Variants in RALYL observed in about 807,000 individuals in gnomAD.
RALYL encodes the protein RALY RNA binding protein like.
A neutral mutation model predicts 35.1 loss-of-function variants in RALYL; 29 were observed. The ratio of observed to expected loss-of-function variants is 0.83; its 90% CI spans 0.61 to 1.13. The LOEUF is 1.13. RALYL is among the 50% of genes most tolerant of loss of function. RALYL has a pLI of 0.00. For missense variants in RALYL, 359 were observed against 360.4 expected (o/e 1.00, Z 0.03); for synonymous variants, 120 against 127.6 (o/e 0.94, Z 0.40).
intron 3 of RALYL, among the ~76,000 whole-genome samples, chr8:84,794,328 G>A (rs1175582104): frequency 6.6e-6 from 1 of 152,206 alleles, no homozygotes; most frequent in Non-Finnish European, 1.5e-5. Context: ...TGAGGATGAA[G>A]ATCTGAAACT....
At chr8:84,552,026 A>G (rs1040217472) in intron 2 of RALYL, among the ~76,000 whole-genome samples, 3 of 151,942 alleles carry the variant, frequency 2.0e-5, no homozygotes, top group African/African-American at 4.8e-5. Context: ...ACACATACAG[A>G]GAGAGAGAGT....
At chr8:84,516,012 G>T (rs1443555351) in intron 1 of RALYL, among the ~76,000 whole-genome samples, 1 of 151,350 alleles carries the variant, frequency 6.6e-6, no homozygotes, top group African/African-American at 2.4e-5. Flanking sequence ...TGGTGGTCGG[G>T]GGCAGGGTAG....
intron 1 of RALYL, among the ~76,000 whole-genome samples, chr8:84,323,077 A>C (rs1845175993): frequency 1.3e-5 from 2 of 152,060 alleles, no homozygotes; most frequent in Non-Finnish European, 2.9e-5. Flanking sequence ...TTTTTCACAG[A>C]AAATATATAT....
chr8:84,779,982 C>A (rs1048250226), intron 3 of RALYL, among the ~76,000 whole-genome samples: 1 of 152,220 alleles, frequency 6.6e-6, no homozygotes, highest in African/African-American at 2.4e-5. Context: ...GTCATCTTCA[C>A]TTCATTGACT....
At chr8:84,751,729 C>T (rs141452830) in intron 2 of RALYL, among the ~76,000 whole-genome samples, 24 of 152,032 alleles carry the variant, frequency 1.6e-4, no homozygotes, top group African/African-American at 5.6e-4. Flanking sequence ...TCCTGCCTGG[C>T]CATATGAAAT....
intron 2 of RALYL, among the ~76,000 whole-genome samples, chr8:84,540,824 T>G (rs918800703): frequency 1.3e-5 from 2 of 152,064 alleles, no homozygotes; most frequent in Non-Finnish European, 2.9e-5. Context: ...AATACAGATC[T>G]AATTGCCTTC....
intron 2 of RALYL, among the ~76,000 whole-genome samples, chr8:84,752,028 C>T (rs914108366): frequency 2.6e-5 from 4 of 152,152 alleles, no homozygotes; most frequent in African/African-American, 7.2e-5. Context: ...CAACAGAAGA[C>T]AGGAAGATGA....
chr8:84,859,990 T>C (rs991937389), intron 5 of RALYL, among the ~76,000 whole-genome samples: 1 of 152,212 alleles, frequency 6.6e-6, no homozygotes, highest in African/African-American at 2.4e-5. Flanking sequence ...CTAAAATGTA[T>C]GCCCCATACT....
intron 1 of RALYL, among the ~76,000 whole-genome samples, chr8:84,332,563 G>GAAGGAACAA (rs1289166187): frequency 6.6e-6 from 1 of 152,098 alleles, no homozygotes; most frequent in East Asian, 1.9e-4. Flanking sequence ...ACCAGTCAAT[G>GAAGGAACAA]AAGGAACAAG....
chr8:84,496,456 G>C (rs766126867), intron 1 of RALYL, among the ~76,000 whole-genome samples: 39 of 152,006 alleles, frequency 2.6e-4, no homozygotes, highest in Non-Finnish European at 4.4e-4. Context: ...ATTCCCCCTT[G>C]TAATTCTGGT....
At chr8:84,319,066 C>G (rs1215545812) in intron 1 of RALYL, among the ~76,000 whole-genome samples, 1 of 152,040 alleles carries the variant, frequency 6.6e-6, no homozygotes, top group African/African-American at 2.4e-5. Flanking sequence ...GAGCTATTTT[C>G]CTAAATAAAT....
intron 1 of RALYL, among the ~76,000 whole-genome samples, chr8:84,504,419 G>A (rs1263304156): frequency 6.6e-6 from 1 of 152,054 alleles, no homozygotes; most frequent in Non-Finnish European, 1.5e-5. Flanking sequence ...TAAGAGAGCA[G>A]CATCTAATAA....
chr8:84,703,916 G>C (rs1383887042), intron 2 of RALYL, among the ~76,000 whole-genome samples: 1 of 152,064 alleles, frequency 6.6e-6, no homozygotes, highest in Non-Finnish European at 1.5e-5. Context: ...TCATACCTGT[G>C]AATATGTACA....
chr8:84,565,773 A>G (rs2135680598), intron 2 of RALYL, among the ~76,000 whole-genome samples: 1 of 151,754 alleles, frequency 6.6e-6, no homozygotes, highest in East Asian at 1.9e-4. Context: ...TAACTTTGCT[A>G]TTTACTTATA....
chr8:84,592,542 CTGT>C (rs1287688860), intron 2 of RALYL, among the ~76,000 whole-genome samples: 2 of 152,098 alleles, frequency 1.3e-5, no homozygotes, highest in Non-Finnish European at 2.9e-5. Flanking sequence ...CTCACCAAAT[CTGT>C]TGTTATCATT....
chr8:84,507,963 C>T (rs1173116316), intron 1 of RALYL, among the ~76,000 whole-genome samples: 2 of 152,080 alleles, frequency 1.3e-5, no homozygotes, highest in Non-Finnish European at 2.9e-5. Flanking sequence ...AGATAAATGA[C>T]TGACATATCT....
At chr8:84,668,963 A>G (rs1478028570) in intron 2 of RALYL, among the ~76,000 whole-genome samples, 2 of 151,888 alleles carry the variant, frequency 1.3e-5, no homozygotes, top group African/African-American at 2.4e-5. Flanking sequence ...CCATCCATCC[A>G]TCCATCCATC....
chr8:84,673,894 G>GT (rs1416617099), intron 2 of RALYL, among the ~76,000 whole-genome samples: 5 of 152,286 alleles, frequency 3.3e-5, no homozygotes, highest in Admixed American at 2.6e-4. Context: ...TTTTAAAATA[G>GT]TTTTTTCTAA....
chr8:84,848,451 A>ATATT (rs1410190608), intron 4 of RALYL, among the ~76,000 whole-genome samples: 1 of 151,478 alleles, frequency 6.6e-6, no homozygotes, highest in Non-Finnish European at 1.5e-5. Context: ...ATATATATAT[A>ATATT]TGTATATATC....
Sources: allele counts gnomAD v4.1 joint callset (sites outside exome capture counted in the v4.1 genomes callset), GRCh38; gene constraint gnomAD v4.1.1; transcripts MANE v1.5; gene names NCBI Gene and HGNC (gene_info 2026-07-23, HGNC 2026-07-21).